The following TENM1 variants were observed in gnomAD, a reference collection of about 807,000 sequenced individuals.
TENM1 encodes the protein teneurin-1.
A neutral mutation model predicts 174.8 loss-of-function variants in TENM1; 35 were observed. The ratio of observed to expected loss-of-function variants is 0.20; its 90% confidence interval spans 0.15 to 0.27. The LOEUF is 0.27. TENM1 is among the 10% of genes least tolerant of loss of function. The pLI is 1.00. For missense variants in TENM1, 1,633 were observed against 2,130.1 expected (o/e 0.77, Z 4.59); for synonymous variants, 781 against 798.7 (o/e 0.98, Z 0.37).
At chrX:125,061,987 T>C in the TENM1 span, among the ~76,000 whole-genome samples, 2 of 112,179 alleles carry the variant, frequency 1.8e-5, no homozygotes, top group East Asian at 2.8e-4. Flanking sequence ...GAGTGAAAGG[T>C]TCAGATTCCA....
At chrX:125,161,028 T>A in the TENM1 span, among the ~76,000 whole-genome samples, 3 of 71,498 alleles carry the variant, frequency 4.2e-5, no homozygotes, top group Non-Finnish European at 5.0e-5. Flanking sequence ...CTTTCGACAA[T>A]GGCCAAAAAG....
chrX:125,066,515 C>G, the TENM1 span, among the ~76,000 whole-genome samples: 1 of 111,453 alleles, frequency 9.0e-6, no homozygotes, highest in African/African-American at 3.3e-5. Context: ...TGAGAGAATA[C>G]CAAGGTTATA....
chrX:124,777,118 C>T (rs1340439556), intron 3 of TENM1, among the ~76,000 whole-genome samples: 1 of 110,247 alleles, frequency 9.1e-6, no homozygotes, highest in Non-Finnish European at 1.9e-5. Flanking sequence ...TGACATTAAA[C>T]TCCTGAATCT....
intron 5 of TENM1, among the ~76,000 whole-genome samples, chrX:124,701,722 T>C (rs2052780508): frequency 8.9e-6 from 1 of 112,265 alleles, no homozygotes; most frequent in Admixed American, 9.5e-5. Flanking sequence ...ACCAACTTTT[T>C]TGAACTCAAA....
In TENM1 at chrX:124,582,490, G is replaced by A. The variant is rs565347451; in HGVS notation, c.2078-16930C>T. On this transcript the variant is annotated intron_variant, in intron 11 of 31. Transcript: ENST00000422452. ...TTCTTAAGTATTTTATTTTTTTGTG[G>A]CTACTATAAATGGGATTGTATTCTT... is the stretch of plus-strand genomic sequence containing the variant. 9.0e-5 allele frequency among the ~76,000 whole-genome samples: 10 copies of A among 111,479 alleles called. No individual in the cohort carries two copies. In the South Asian group the frequency reaches 3.8e-3, roughly 42 times the overall value.
the TENM1 span, among the ~76,000 whole-genome samples, chrX:124,978,087 TG>T: frequency 4.6e-5 from 5 of 109,209 alleles, no homozygotes; most frequent in Non-Finnish European, 9.5e-5. Flanking sequence ...GTCAGCTGAT[TG>T]TCTCTTTTGC....
At chrX:124,553,992 A>C (rs1337581294) in intron 14 of TENM1, among the ~76,000 whole-genome samples, 1 of 111,025 alleles carries the variant, frequency 9.0e-6, no homozygotes, top group African/African-American at 3.3e-5. Flanking sequence ...ACCTATAGTT[A>C]CAGCTACTTG....
chrX:124,524,777 T>G, intron 16 of TENM1, among the ~76,000 whole-genome samples: 1 of 90,193 alleles, frequency 1.1e-5, no homozygotes, highest in Non-Finnish European at 2.0e-5. Flanking sequence ...TTTCATTTCA[T>G]TCTGCACTAG....
At chrX:124,795,803 G>A (rs2055292497) in intron 3 of TENM1, among the ~76,000 whole-genome samples, 1 of 110,319 alleles carries the variant, frequency 9.1e-6, no homozygotes, top group Non-Finnish European at 1.9e-5. Flanking sequence ...AACAAAAGTG[G>A]GTTTAAAATG....
rs2054763098 is a variant in TENM1 at position 124,775,549 on chromosome X, G to A, written c.536-38352C>T. 2.7e-5 allele frequency among the ~76,000 whole-genome samples: 3 copies of A among 111,852 alleles called. No individual in the cohort carries two copies. In the South Asian group the frequency reaches 1.1e-3, roughly 42 times the overall value. ...AGTCTGAAAAAAGGTTTCTGGAAAA[G>A]ATTATCTTGTCTGATAGCGAGAGAG... On this transcript the variant is annotated intron_variant, in intron 3 of 31. Transcript: ENST00000422452.
the TENM1 span, among the ~76,000 whole-genome samples, chrX:125,103,107 T>C: frequency 3.6e-5 from 4 of 112,336 alleles, no homozygotes; most frequent in Non-Finnish European, 7.5e-5. Flanking sequence ...TGCAAATATA[T>C]TTTCCTTTGT....
chrX:125,076,861 G>A, the TENM1 span, among the ~76,000 whole-genome samples: 1 of 110,897 alleles, frequency 9.0e-6, no homozygotes, highest in Non-Finnish European at 1.9e-5. Context: ...AACTTGAGAT[G>A]CCTTTGTTAT....
the TENM1 span, among the ~76,000 whole-genome samples, chrX:124,980,688 G>T: frequency 9.1e-6 from 1 of 110,041 alleles, no homozygotes; most frequent in African/African-American, 3.3e-5. Flanking sequence ...AGGAAGAAGG[G>T]GTTAACTTTC....
At chrX:124,592,434 GTTTTT>G (rs751493445) in intron 11 of TENM1, among the ~76,000 whole-genome samples, 1 of 85,479 alleles carries the variant, frequency 1.2e-5, no homozygotes, top group Non-Finnish European at 2.2e-5. Context: ...AATATTATTG[GTTTTT>G]TTTTTTTTTT....
chrX:124,411,036 A>G (rs2060525708), intron 25 of TENM1, among the ~76,000 whole-genome samples: 2 of 112,254 alleles, frequency 1.8e-5, no homozygotes. Context: ...GCATAGGGGT[A>G]CAAGGGTCAA....
At chrX:124,668,412 C>A (rs1369196598) in intron 6 of TENM1, among the ~76,000 whole-genome samples, 1 of 111,802 alleles carries the variant, frequency 8.9e-6, no homozygotes, top group Non-Finnish European at 1.9e-5. Context: ...ATGTTTACTG[C>A]GGCACTATTC....
chrX:125,103,275 TA>T, the TENM1 span, among the ~76,000 whole-genome samples: 4 of 111,798 alleles, frequency 3.6e-5, no homozygotes, highest in African/African-American at 9.7e-5. Flanking sequence ...CTGGCACAAA[TA>T]CTGTAAAATG....
At chrX:124,456,621 G>T (rs1187959649) in intron 22 of TENM1, among the ~76,000 whole-genome samples, 7 of 111,718 alleles carry the variant, frequency 6.3e-5, no homozygotes, top group Non-Finnish European at 9.4e-5. Flanking sequence ...TATAACCCAG[G>T]GATAGTGATG....
intron 21 of TENM1, among the ~76,000 whole-genome samples, chrX:124,483,661 C>T (rs746474538): frequency 8.9e-6 from 1 of 112,373 alleles, no homozygotes; most frequent in Non-Finnish European, 1.9e-5. Context: ...TTTACTAATT[C>T]ATTAAAAATC....
Sources: allele counts gnomAD v4.1 joint callset (sites outside exome capture counted in the v4.1 genomes callset), GRCh38; gene constraint gnomAD v4.1.1; transcripts MANE v1.5; gene names NCBI Gene and HGNC (gene_info 2026-07-23, HGNC 2026-07-21).